BDP1: variants seen among roughly 807,000 people sequenced by gnomAD.
The protein encoded by BDP1 is BDP1 general transcription factor IIIB subunit, also known as transcription factor TFIIIB component B'' homolog.
A neutral mutation model predicts 266.6 loss-of-function variants in BDP1; 169 were observed. The observed-to-expected ratio is 0.63, with a 90% confidence interval of 0.56 to 0.72. BDP1 has a LOEUF of 0.72. Among genes scored for constraint, BDP1 ranks in the 30% least tolerant of loss-of-function variants. BDP1 has a pLI of 0.00. For missense variants in BDP1, 3,015 were observed against 3,053.8 expected, an observed-to-expected ratio of 0.99 and a Z score of 0.30; for synonymous variants, 1,090 against 1,022.4, an observed-to-expected ratio of 1.07 and a Z score of -1.26.
chr5:71,548,750 G>GAT lies in BDP1; in HGVS notation c.6808+7_6808+8dup. ...TCAATCCTCAAGACCTAACAGGTAT[G>GAT]ATAATATGCTTCAGTGACATGTCAT... On this transcript the variant is annotated splice_donor_region_variant and intron_variant, in intron 33 of 38. Coordinates refer to ENST00000358731, the MANE Select transcript of BDP1 (RefSeq NM_018429.3). The GAT allele has an allele frequency of 6.3e-7, 1 of 1,575,002 alleles. No homozygotes were observed. The highest frequency in any genetic ancestry group is 8.7e-7 in the Non-Finnish European group (1 of 1,146,796).
chr5:71,539,463 C>A (rs1305420276), intron 27 of BDP1, 94 bp from the exon 28 acceptor site: 8 of 911,084 alleles, frequency 8.8e-6, no homozygotes, highest in Non-Finnish European at 1.4e-5. Context: ...GGAATCTGCT[C>A]CTAGGAGATA....
chr5:71,466,081 C>A lies in BDP1; in HGVS notation c.660-15C>A. 1 of 1,610,478 alleles carries A rather than the reference C, an allele frequency of 6.2e-7. No homozygotes were observed. Among genetic ancestry groups the A allele is most frequent in the Non-Finnish European group, 8.5e-7 (1 of 1,178,576 alleles). ...TTCATGCCTTTGTGAATTAACTTAT[C>A]TTTATATGTGGTAGGCAAGAAGGTA... On this transcript the variant is annotated splice_polypyrimidine_tract_variant and intron_variant, in intron 4 of 38. Transcript: ENST00000358731.
intron 25 of BDP1, among the ~76,000 whole-genome samples, chr5:71,527,537 T>C: frequency 6.6e-6 from 1 of 152,236 alleles, no homozygotes; most frequent in African/African-American, 2.4e-5. Context: ...TGTGACCATT[T>C]TATTTCATTT....
chr5:71,503,789 A>G (rs776219446), intron 15 of BDP1, among the ~76,000 whole-genome samples: 1 of 151,978 alleles, frequency 6.6e-6, no homozygotes, highest in Admixed American at 6.6e-5. Flanking sequence ...CAACATAGTG[A>G]CACTCTGTCT....
chr5:71,533,481 T>TG (rs1160219021), intron 26 of BDP1, among the ~76,000 whole-genome samples: 1 of 151,518 alleles, frequency 6.6e-6, no homozygotes, highest in African/African-American at 2.4e-5. Flanking sequence ...TTTTTTTTTT[T>TG]TTTTGAGACG....
chr5:71,569,617 G>A (rs528025852), downstream of BDP1, among the ~76,000 whole-genome samples: 6 of 152,160 alleles, frequency 3.9e-5, no homozygotes, highest in South Asian at 4.2e-4. Context: ...GTGCTAGCAC[G>A]CGCCTGTGGT....
chr5:71,559,986 G>C lies in BDP1; in HGVS notation c.7245G>C (p.Glu2415Asp), dbSNP rs202075990. The C allele has an allele frequency of 6.2e-7, 1 of 1,611,550 alleles. No individual in the cohort carries two copies. Among genetic ancestry groups the C allele is most frequent in the African/African-American group, 1.3e-5 (1 of 74,824 alleles). Residue 2415 changes from glutamate to aspartate, a missense_variant, in exon 37 of 39, where the codon GAG becomes GAC. Coordinates refer to ENST00000358731, the MANE Select transcript of BDP1 (RefSeq NM_018429.3). The part of the protein sequence containing the change: ...ELTNVFEETG[E>D]SHKGQDIFLT... The stretch of plus-strand genomic sequence containing the variant: ...CATTTGCTCTTTTTTTTGAAGGGGA[G>C]TCTCACAAGGGACAAGATATTTTTC...
At position 71,547,418 on chromosome 5, in the gene BDP1, A is replaced by G. The variant is rs186222912; in HGVS notation, c.6745-1264A>G. Among the ~76,000 whole-genome samples the G allele has an allele frequency of 2.1e-3, 323 of 152,144 alleles. 5 individuals carry two copies. Among genetic ancestry groups the G allele is most frequent in the Admixed American group, 0.018 (282 of 15,274 alleles). On this transcript the variant is annotated intron_variant, in intron 32 of 38. Coordinates refer to ENST00000358731, the MANE Select transcript of BDP1 (RefSeq NM_018429.3). ...TAGGTAATAATGTGTTCTTCCTTTTATATCACATCGGGAGACACATAATGT... is the reference window on the plus strand; with the variant it reads ...TAGGTAATAATGTGTTCTTCCTTTTGTATCACATCGGGAGACACATAATGT...
intron 36 of BDP1, 107 bp downstream of exon 36, chr5:71,557,032 A>G: frequency 3.6e-6 from 2 of 556,600 alleles, no homozygotes; most frequent in South Asian, 4.5e-5. Context: ...CCTTTTCTCC[A>G]AGAGTAATAC....
At chr5:71,525,693 C>G (rs1359314923) in intron 25 of BDP1, among the ~76,000 whole-genome samples, 3 of 147,454 alleles carry the variant, frequency 2.0e-5, no homozygotes, top group Admixed American at 2.0e-4. Context: ...GGGGCTGACC[C>G]CCCACCTCCC....
intron 32 of BDP1, 153 bp downstream of exon 32, chr5:71,545,372 C>A: frequency 1.3e-6 from 1 of 771,716 alleles, no homozygotes; most frequent in Non-Finnish European, 2.0e-6. Context: ...TGTTCTGTTG[C>A]CCAGGCAAGA....
chr5:71,539,108 T>A, intron 27 of BDP1, 30 bp downstream of exon 27: 3 of 1,488,856 alleles, frequency 2.0e-6, no homozygotes, highest in Non-Finnish European at 2.8e-6. Flanking sequence ...CTGCTAAGAC[T>A]ACCTTGATTA....
downstream of BDP1, among the ~76,000 whole-genome samples, chr5:71,569,423 CAG>C (rs1744192747): frequency 6.6e-6 from 1 of 151,746 alleles, no homozygotes; most frequent in African/African-American, 2.4e-5. Context: ...GCCTGGGTCA[CAG>C]AGTGAGACCC....
chr5:71,464,905 G>A (rs1303674574), intron 4 of BDP1, among the ~76,000 whole-genome samples: 1 of 151,632 alleles, frequency 6.6e-6, no homozygotes, highest in Non-Finnish European at 1.5e-5. Context: ...TTTTAGTAGA[G>A]ACGGGGTTTT....
chr5:71,472,444 G>A (rs1331850513), intron 7 of BDP1, among the ~76,000 whole-genome samples: 1 of 152,164 alleles, frequency 6.6e-6, no homozygotes, highest in Non-Finnish European at 1.5e-5. Context: ...CTGTGCAATG[G>A]GAGTGAGACT....
At chr5:71,477,190 C>G (rs1387823736) in intron 7 of BDP1, among the ~76,000 whole-genome samples, 2 of 151,766 alleles carry the variant, frequency 1.3e-5, no homozygotes, top group Non-Finnish European at 2.9e-5. Context: ...GAGACAGGGT[C>G]TTTGTTGCTC....
intron 9 of BDP1, among the ~76,000 whole-genome samples, chr5:71,487,295 G>C (rs577362165): frequency 5.9e-5 from 9 of 152,190 alleles, no homozygotes; most frequent in African/African-American, 2.2e-4. Context: ...AGGCTGGAGT[G>C]CAGTGGCACG....
At chr5:71,495,134 A>G in intron 11 of BDP1, 116 bp from the exon 12 acceptor site, 1 of 556,790 alleles carries the variant, frequency 1.8e-6, no homozygotes, top group Non-Finnish European at 2.9e-6. Flanking sequence ...TTACTCTATA[A>G]TGTGAAGCAG....
Position 71,560,120 on chromosome 5 carries a change from T to C in BDP1, c.7379T>C (p.Val2460Ala). The C allele has an allele frequency of 1.2e-6, 2 of 1,614,140 alleles. No homozygotes were observed. Among genetic ancestry groups the C allele is most frequent in the South Asian group, 2.2e-5 (2 of 91,082 alleles). The part of the protein sequence containing the change: ...RSPDACMDKN[V>A]PQLPQDEMIV... ...CCTGATGCATGCATGGACAAGAATGTGCCTCAGTTACCTCAGGATGAAATG... is the reference window on the plus strand; with the variant it reads ...CCTGATGCATGCATGGACAAGAATGCGCCTCAGTTACCTCAGGATGAAATG... The change falls in exon 37 of 39, where the codon GTG (valine) becomes GCG (alanine). Residue 2460 changes from valine to alanine, a missense_variant. By Grantham distance (64) the Val-to-Ala change is moderately conservative (BLOSUM62 0). Transcript: ENST00000358731.
Sources: gnomAD v4.1 joint callset for allele counts (sites outside exome capture counted in the v4.1 genomes callset) on GRCh38, gnomAD v4.1.1 for gene constraint, MANE v1.5 for transcripts, NCBI Gene and HGNC (gene_info 2026-07-23, HGNC 2026-07-21) for gene names.